The following CEP162 variants were observed in gnomAD, a reference collection of about 807,000 sequenced individuals.
The protein encoded by CEP162 is centrosomal protein 162.
Under a neutral mutation model 169.2 loss-of-function variants are expected in CEP162, and 141 were observed. The ratio of observed to expected loss-of-function variants is 0.83; its 90% confidence interval spans 0.73 to 0.96. The LOEUF (loss-of-function observed/expected upper bound fraction) is 0.96, where lower values mean the gene tolerates loss of function less well. CEP162 is among the 40% of genes least tolerant of loss of function. The pLI is 0.00. For missense variants in CEP162, 1,600 were observed against 1,587.2 expected (o/e 1.01, Z -0.14); for synonymous variants, 540 against 526.4 (o/e 1.03, Z -0.35).
chr6:84,189,345 C>T (rs2099538686), intron 11 of CEP162, among the ~76,000 whole-genome samples: 1 of 152,174 alleles, frequency 6.6e-6, no homozygotes, highest in Non-Finnish European at 1.5e-5. Context: ...AGCCCACTCC[C>T]TCAGCTTGCA....
intron 13 of CEP162, among the ~76,000 whole-genome samples, chr6:84,183,936 C>T (rs142365697): frequency 6.6e-6 from 1 of 152,036 alleles, no homozygotes; most frequent in East Asian, 1.9e-4. Context: ...ACACCTTTGC[C>T]TAATCCTCAT....
At chr6:84,221,722 C>T (rs936858687) in intron 2 of CEP162, among the ~76,000 whole-genome samples, 1 of 152,086 alleles carries the variant, frequency 6.6e-6, no homozygotes, top group East Asian at 1.9e-4. Context: ...CAGTATCACC[C>T]CCCACCACCT....
rs561549145 is a variant in CEP162 at position 84,188,502 on chromosome 6, A to G, written c.1110-1879T>C. ...ACAGTATTTTGTTTTCTGTTCCTGC[A>G]TTAGTTTGCTTAGGACAATGGCCTC... is the stretch of plus-strand genomic sequence containing the variant. On this transcript the variant is annotated intron_variant, in intron 11 of 26. Transcript: ENST00000403245. Among the ~76,000 whole-genome samples the G allele has an allele frequency of 1.2e-3, 182 of 152,240 alleles. 6 individuals are homozygous for G. In the South Asian group the frequency reaches 0.036, roughly 30 times the overall value.
chr6:84,154,358 G>GTCTGTCTGTCTGTCTATCTATCTA (rs1554165787), intron 22 of CEP162, among the ~76,000 whole-genome samples: 1 of 149,676 alleles, frequency 6.7e-6, no homozygotes, highest in African/African-American at 2.5e-5. Context: ...CTGTCTGTCT[G>GTCTGTCTGTCTGTCTATCTATCTA]TCTATCTATC....
In CEP162 at chr6:84,160,808, A is replaced by C. The variant is rs763391680; in HGVS notation, c.2781+4T>G. 56 of 1,574,102 alleles carry C rather than the reference A, an allele frequency of 3.6e-5. No individual in the cohort carries two copies. The highest frequency in any genetic ancestry group is 6.7e-5 in the Admixed American group (4 of 59,918). On this transcript the variant is annotated splice_donor_region_variant and intron_variant, in intron 21 of 26. Transcript: ENST00000403245. ...GCTCATGAAAATTTACCCTGAACAC[A>C]TACTTGTCGCTCCAGATCCTGAATT...
chr6:84,215,403 G>A lies in CEP162; in HGVS notation c.382C>T (p.Gln128Ter), dbSNP rs147506897. ...GCAAAAAATTGTTCTTTCTCCTCTTGTTCTTCTAATGTGTCCAATCCCACT... is the reference window on the plus strand; with the variant it reads ...GCAAAAAATTGTTCTTTCTCCTCTTATTCTTCTAATGTGTCCAATCCCACT... Reference protein sequence around the residue: ...LGVGLDTLEEQEEKEQFFARL... With the variant: ...LGVGLDTLEE Residue 128 changes from glutamine to a stop codon, truncating the protein, a stop_gained, in exon 5 of 27, where the codon CAA becomes TAA. Coordinates refer to ENST00000403245, the MANE Select transcript of CEP162 (RefSeq NM_014895.4). LOFTEE classifies it high-confidence loss of function. The A allele has an allele frequency of 9.3e-6, 15 of 1,610,538 alleles. No individual in the cohort carries two copies. Among genetic ancestry groups the A allele is most frequent in the Non-Finnish European group, 1.3e-5 (15 of 1,178,082 alleles).
rs754003632 is a variant in CEP162 at position 84,186,378 on chromosome 6, A to AT, written c.1354dup (p.Ile452AsnfsTer4). ...AGATAATGATGAAGAATTAACAGTTATTTTTTTCCTCAAAATATTAAGGTA... is the reference window on the plus strand; with the variant it reads ...AGATAATGATGAAGAATTAACAGTTATTTTTTTTCCTCAAAATATTAAGGTA... On this transcript the variant is annotated frameshift_variant, in exon 12 of 27. Transcript: ENST00000403245. LOFTEE classifies it high-confidence loss of function. 5 of 1,495,730 alleles carry AT rather than the reference A, an allele frequency of 3.3e-6. No individual in the cohort carries two copies. Among genetic ancestry groups the AT allele is most frequent in the Non-Finnish European group, 4.7e-6 (5 of 1,073,092 alleles). The allele number at this position is 1,495,730 out of a possible 1,614,324, so 92.7% of individuals were successfully genotyped here.
rs561247395 is a variant in CEP162 at position 84,154,330 on chromosome 6, A to ATCTGTCTGTCTG, written c.2994+956_2994+967dup. 3.5e-3 allele frequency among the ~76,000 whole-genome samples: 530 copies of ATCTGTCTGTCTG among 149,446 alleles called. 1 individual carries two copies. Among genetic ancestry groups the ATCTGTCTGTCTG allele is most frequent in the Non-Finnish European group, 5.2e-3 (348 of 67,152 alleles). ...ATCAGGGATATCTATCTATCTATCT[A>ATCTGTCTGTCTG]TCTGTCTGTCTGTCTGTCTGTCTGT... On this transcript the variant is annotated intron_variant, in intron 22 of 26. Coordinates refer to ENST00000403245, the MANE Select transcript of CEP162 (RefSeq NM_014895.4).
At chr6:84,131,676 TTTTG>T (rs2099511526) in intron 25 of CEP162, among the ~76,000 whole-genome samples, 1 of 127,444 alleles carries the variant, frequency 7.8e-6, no homozygotes, top group Admixed American at 8.1e-5. Flanking sequence ...TTTTTTTTTG[TTTTG>T]TTTTCCATTT....
chr6:84,213,170 G>T (rs16874339), intron 5 of CEP162, 146 bp from the exon 6 acceptor site: 18 of 470,452 alleles, frequency 3.8e-5, no homozygotes, highest in Non-Finnish European at 6.3e-5. Flanking sequence ...AAAAATTTGG[G>T]AACTTTAAGG....
At chr6:84,145,517 A>T (rs1205068326) in intron 25 of CEP162, among the ~76,000 whole-genome samples, 1 of 152,144 alleles carries the variant, frequency 6.6e-6, no homozygotes, top group Non-Finnish European at 1.5e-5. Context: ...ACTGTGCTTC[A>T]TTAGAAAACT....
In CEP162 at chr6:84,163,626, A is replaced by G. The variant is rs150280076; in HGVS notation, c.2386-356T>C. Among the ~76,000 whole-genome samples, 546 of 151,944 alleles carry G rather than the reference A, an allele frequency of 3.6e-3. 5 individuals carry two copies. Among genetic ancestry groups the G allele is most frequent in the Non-Finnish European group, 6.4e-3 (434 of 67,980 alleles). ...GGCCCCTACAGTCTATTCTCACAGC[A>G]GCCACATGAATTGCTGTACAGTCAG... is the stretch of plus-strand genomic sequence containing the variant. On this transcript the variant is annotated intron_variant, in intron 18 of 26. Transcript: ENST00000403245.
In CEP162 at chr6:84,155,426, T is replaced by C; in HGVS notation, c.2866A>G (p.Thr956Ala). 6.2e-7 allele frequency: 1 copy of C among 1,612,686 alleles called. No homozygotes were observed. Among genetic ancestry groups the C allele is most frequent in the Non-Finnish European group, 8.5e-7 (1 of 1,178,820 alleles). ...AATTCCACTGTATTTTTATCCACTG[T>C]ATCACCAGCTGCTGATGCAGCCAAT... ...LILAASAAGD[T>A]VDKNTVEFME... Residue 956 changes from threonine to alanine, a missense_variant, in exon 22 of 27, where the codon ACA (threonine) becomes GCA (alanine). Transcript: ENST00000403245.
At chr6:84,146,001 T>C (rs1424909659) in intron 25 of CEP162, among the ~76,000 whole-genome samples, 1 of 152,112 alleles carries the variant, frequency 6.6e-6, no homozygotes, top group Admixed American at 6.6e-5. Context: ...ACCTGCAATA[T>C]CTCCTGAAAT....
chr6:84,213,993 T>C (rs1365767299), intron 5 of CEP162, among the ~76,000 whole-genome samples: 1 of 152,106 alleles, frequency 6.6e-6, no homozygotes, highest in African/African-American at 2.4e-5. Context: ...AAGTAATACA[T>C]TTTCGCTGGG....
chr6:84,151,213 A>C (rs192088126), intron 23 of CEP162, among the ~76,000 whole-genome samples: 1 of 152,226 alleles, frequency 6.6e-6, no homozygotes, highest in East Asian at 1.9e-4. Flanking sequence ...ACCGGAGAGC[A>C]GAGTGACCCA....
At chr6:84,150,813 G>A (rs1246247040) in intron 23 of CEP162, among the ~76,000 whole-genome samples, 1 of 152,106 alleles carries the variant, frequency 6.6e-6, no homozygotes, top group Non-Finnish European at 1.5e-5. Context: ...ACTGCCATAT[G>A]GTAACAACAT....
At chr6:84,133,808 C>A (rs2099512665) in intron 25 of CEP162, among the ~76,000 whole-genome samples, 1 of 152,154 alleles carries the variant, frequency 6.6e-6, no homozygotes, top group South Asian at 2.1e-4. Context: ...ACCCCTTGCG[C>A]TTCCTGGGTG....
intron 11 of CEP162, among the ~76,000 whole-genome samples, chr6:84,186,936 T>C (rs1554173720): frequency 6.6e-6 from 1 of 152,160 alleles, no homozygotes; most frequent in Non-Finnish European, 1.5e-5. Context: ...AAAAGTAAAA[T>C]ACAAATTTCT....
Sources: gnomAD v4.1 joint callset for allele counts (sites outside exome capture counted in the v4.1 genomes callset) on GRCh38, gnomAD v4.1.1 for gene constraint, MANE v1.5 for transcripts, NCBI Gene and HGNC (gene_info 2026-07-23, HGNC 2026-07-21) for gene names.